HNRNPC: variants seen among roughly 807,000 people sequenced by gnomAD.
HNRNPC encodes the protein heterogeneous nuclear ribonucleoprotein C.
Under a neutral mutation model 33.2 loss-of-function variants are expected in HNRNPC, and 3 were observed. That is an observed-to-expected ratio of 0.09 (90% CI 0.04 to 0.23). The LOEUF (loss-of-function observed/expected upper bound fraction) is 0.23. Among genes scored for constraint, HNRNPC ranks in the 10% least tolerant of loss-of-function variants. The pLI is 1.00. For synonymous variants in HNRNPC, 121 were observed against 126.7 expected, an observed-to-expected ratio of 0.96 and a Z score of 0.30; for missense variants, 143 against 366.7, an observed-to-expected ratio of 0.39 and a Z score of 4.98.
At chr14:21,219,195 AAGTTCTTT>A (rs1892563979) in intron 5 of HNRNPC, among the ~76,000 whole-genome samples, 1 of 152,116 alleles carries the variant, frequency 6.6e-6, no homozygotes, top group Non-Finnish European at 1.5e-5. Flanking sequence ...GAAGAGTAAG[AAGTTCTTT>A]CACTTACAAT....
At chr14:21,256,658 C>T (rs1490263719) in intron 2 of HNRNPC, among the ~76,000 whole-genome samples, 1 of 151,468 alleles carries the variant, frequency 6.6e-6, no homozygotes, top group Non-Finnish European at 1.5e-5. Flanking sequence ...TTTTTCCTTT[C>T]TTTTTTTTGT....
intron 1 of HNRNPC, among the ~76,000 whole-genome samples, chr14:21,266,909 G>A (rs957009464): frequency 2.6e-5 from 4 of 151,150 alleles, no homozygotes; most frequent in African/African-American, 9.7e-5. Flanking sequence ...TGGCCAACAC[G>A]GTGAAACCCC....
chr14:21,235,843 T>C (rs1048622524), intron 2 of HNRNPC, among the ~76,000 whole-genome samples: 1 of 152,012 alleles, frequency 6.6e-6, no homozygotes, highest in Admixed American at 6.6e-5. Flanking sequence ...ATAATCTCCA[T>C]AGGTTTAATG....
chr14:21,217,832 TATTAAGGGAAAAA>T (rs1892356809), intron 5 of HNRNPC, among the ~76,000 whole-genome samples: 4 of 152,200 alleles, frequency 2.6e-5, no homozygotes, highest in African/African-American at 9.6e-5. Context: ...AAATGTTGCA[TATTAAGGGAAAAA>T]GTGGTGTGTC....
chr14:21,244,275 T>C (rs1178018901), intron 2 of HNRNPC, among the ~76,000 whole-genome samples: 3 of 152,232 alleles, frequency 2.0e-5, no homozygotes, highest in Admixed American at 6.5e-5. Flanking sequence ...GCAGGGATTA[T>C]AGGCGTGAGC....
intron 5 of HNRNPC, among the ~76,000 whole-genome samples, chr14:21,216,671 T>C (rs895763903): frequency 2.6e-5 from 4 of 152,140 alleles, no homozygotes; most frequent in African/African-American, 9.7e-5. Context: ...ATCCCACCAC[T>C]GCACTCCGGC....
chr14:21,268,255 T>C (rs1048203632), intron 1 of HNRNPC, among the ~76,000 whole-genome samples: 1 of 152,196 alleles, frequency 6.6e-6, no homozygotes, highest in Non-Finnish European at 1.5e-5. Context: ...TAATATAACG[T>C]AGCTGTGAAT....
rs773690174 is a variant in HNRNPC, at chr14:21,230,396, T to A, written c.318-30A>T. On this transcript the variant is annotated intron_variant, in intron 4 of 8. Transcript: ENST00000553300. ...AAAATAAATACCGAAAAGGGTTAAT[T>A]TGGAAATGTTTCTACTAATTCACAA... 18 of 1,557,532 alleles carry A rather than the reference T, an allele frequency of 1.2e-5. No homozygotes were observed. In the East Asian group the frequency reaches 3.8e-4, roughly 33 times the overall value.
intron 5 of HNRNPC, among the ~76,000 whole-genome samples, chr14:21,217,741 G>C (rs1051519642): frequency 1.3e-5 from 2 of 152,164 alleles, no homozygotes; most frequent in African/African-American, 2.4e-5. Flanking sequence ...TAAGCCATTT[G>C]ATTGAAAATG....
chr14:21,249,593 CAAAAAAAAAAAA>C (rs756880620), intron 2 of HNRNPC, among the ~76,000 whole-genome samples: 5 of 83,446 alleles, frequency 6.0e-5, no homozygotes, highest in Admixed American at 1.6e-4. Context: ...GTCTCAAAAA[CAAAAAAAAAAAA>C]AAAAAAAAAA....
rs1413829397 is a variant in HNRNPC at position 21,210,203 on chromosome 14, C to T, written c.*1020G>A. 1.3e-5 allele frequency: 2 copies of T among 152,130 alleles called. No individual in the cohort carries two copies. Among genetic ancestry groups the T allele is most frequent in the African/African-American group, 2.4e-5 (1 of 41,414 alleles). The allele number at this position is 152,130 out of a possible 1,614,324, so 9.4% of individuals were successfully genotyped here. Reference sequence around the variant, plus strand: ...TTCCTGAAATCTTGATGTTTTTGAGCCTCTCCTATTTAAGGACAAAACCAT... The same window carrying T: ...TTCCTGAAATCTTGATGTTTTTGAGTCTCTCCTATTTAAGGACAAAACCAT... On this transcript the variant is annotated 3_prime_UTR_variant, in exon 9 of 9. Transcript: ENST00000553300.
chr14:21,242,930 G>A (rs539433721), intron 2 of HNRNPC, among the ~76,000 whole-genome samples: 156 of 152,224 alleles, frequency 1.0e-3, no homozygotes, highest in Non-Finnish European at 1.9e-3. Context: ...AGCAGTGCCG[G>A]CATGGCCAAT....
intron 2 of HNRNPC, among the ~76,000 whole-genome samples, chr14:21,236,761 T>C (rs1434075054): frequency 5.9e-5 from 9 of 152,084 alleles, no homozygotes; most frequent in Non-Finnish European, 1.0e-4. Context: ...ACAAAGAAAC[T>C]ACTGGAAAAG....
At chr14:21,227,680 C>T (rs1566609800) in intron 5 of HNRNPC, among the ~76,000 whole-genome samples, 1 of 152,136 alleles carries the variant, frequency 6.6e-6, no homozygotes, top group African/African-American at 2.4e-5. Context: ...GTATATATCT[C>T]ATTGTCTCAA....
In HNRNPC at chr14:21,211,169, C is replaced by T; in HGVS notation, c.*54G>A. ...ATCTGGTGAAAAATTTGATCTTAGA[C>T]AAGCGCCTAGGTAAAGAAATAATGG... is the stretch of plus-strand genomic sequence containing the variant. On this transcript the variant is annotated 3_prime_UTR_variant, in exon 9 of 9. Coordinates refer to ENST00000553300, the MANE Select transcript of HNRNPC (RefSeq NM_004500.4). 1.3e-6 allele frequency: 2 copies of T among 1,561,162 alleles called. No homozygotes were observed. The highest frequency in any genetic ancestry group is 1.8e-6 in the Non-Finnish European group (2 of 1,138,096).
At chr14:21,234,360 C>A in intron 2 of HNRNPC, 131 bp from the exon 3 acceptor site, 1 of 691,940 alleles carries the variant, frequency 1.4e-6, no homozygotes, top group Non-Finnish European at 2.4e-6. Context: ...GGACTCACAG[C>A]ATTAAGTATG....
chr14:21,234,485 T>A (rs1894455100), intron 2 of HNRNPC, among the ~76,000 whole-genome samples: 1 of 152,074 alleles, frequency 6.6e-6, no homozygotes, highest in Non-Finnish European at 1.5e-5. Flanking sequence ...GAAAAAAAAA[T>A]TCTCCCTGGC....
In HNRNPC at chr14:21,216,383, G is replaced by A. The variant is rs551707850; in HGVS notation, c.366-3266C>T. Among the ~76,000 whole-genome samples, 6 of 152,204 alleles carry A rather than the reference G, an allele frequency of 3.9e-5. No homozygotes were observed. In the East Asian group the frequency reaches 1.2e-3, roughly 29 times the overall value. Reference sequence around the variant, plus strand: ...ATGGACCATTTAATGGACCACAGCTGATTCTCATCTTAAAAATGTGAACAG... The same window carrying A: ...ATGGACCATTTAATGGACCACAGCTAATTCTCATCTTAAAAATGTGAACAG... On this transcript the variant is annotated intron_variant, in intron 5 of 8. Coordinates refer to ENST00000553300, the MANE Select transcript of HNRNPC (RefSeq NM_004500.4).
intron 2 of HNRNPC, among the ~76,000 whole-genome samples, chr14:21,237,182 T>G (rs1347169071): frequency 6.6e-6 from 1 of 152,198 alleles, no homozygotes; most frequent in African/African-American, 2.4e-5. Flanking sequence ...CCTATGTGGT[T>G]GATTCCACTG....
Sources: allele counts gnomAD v4.1 joint callset (sites outside exome capture counted in the v4.1 genomes callset), GRCh38; gene constraint gnomAD v4.1.1; transcripts MANE v1.5; gene names NCBI Gene and HGNC (gene_info 2026-07-23, HGNC 2026-07-21).